The following DIP2C variants were observed in gnomAD, a reference collection of about 807,000 sequenced individuals.
The protein encoded by DIP2C is DIP2 acetate--CoA ligase C (putative).
Under a neutral mutation model 192.4 loss-of-function variants are expected in DIP2C, and 33 were observed. That is an observed-to-expected ratio of 0.17 (90% CI 0.13 to 0.23). DIP2C has a LOEUF of 0.23. Ranked by LOEUF, DIP2C falls within the 10% of genes least tolerant of loss-of-function variation. The pLI is 1.00. For synonymous variants in DIP2C, 979 were observed against 864.1 expected (o/e 1.13, Z -2.33); for missense variants, 1,537 against 2,110.1 (o/e 0.73, Z 5.32).
chr10:617,760 G>T (rs1009208941), intron 1 of DIP2C, among the ~76,000 whole-genome samples: 4 of 148,718 alleles, frequency 2.7e-5, no homozygotes, highest in African/African-American at 1.0e-4. Context: ...TGCACGTAAT[G>T]ACCTGCCACA....
chr10:483,971 C>CA (rs1200696616), intron 2 of DIP2C, among the ~76,000 whole-genome samples: 3 of 152,180 alleles, frequency 2.0e-5, no homozygotes, highest in African/African-American at 7.2e-5. Flanking sequence ...CACCCACCAT[C>CA]ATGCCTAATT....
chr10:466,689 A>T (rs1339585346), intron 3 of DIP2C, among the ~76,000 whole-genome samples: 5 of 151,712 alleles, frequency 3.3e-5, no homozygotes, highest in African/African-American at 1.2e-4. Flanking sequence ...AAACAAATTT[A>T]CAAGAAAAAA....
intron 1 of DIP2C, chr10:665,852 C>T (rs1857058228): frequency 6.6e-6 from 1 of 152,098 alleles, no homozygotes; most frequent in Admixed American, 6.6e-5. Flanking sequence ...AGGAACACTC[C>T]ATAAATCTTA....
At chr10:347,862 C>T (rs559364043) in intron 26 of DIP2C, among the ~76,000 whole-genome samples, 2 of 108,188 alleles carry the variant, frequency 1.8e-5, no homozygotes, top group Non-Finnish European at 4.1e-5. Context: ...CCAGACGCGT[C>T]GCGCATAGCT....
intron 1 of DIP2C, among the ~76,000 whole-genome samples, chr10:638,461 G>A (rs1338578658): frequency 6.6e-6 from 1 of 152,154 alleles, no homozygotes; most frequent in Non-Finnish European, 1.5e-5. Context: ...GAAACCAAAA[G>A]GCTTTACAGA....
chr10:383,208 T>TG (rs1264423434), intron 16 of DIP2C, among the ~76,000 whole-genome samples: 1 of 152,260 alleles, frequency 6.6e-6, no homozygotes, highest in African/African-American at 2.4e-5. Context: ...TTTGTACTTA[T>TG]GGGTTAAAAC....
intron 10 of DIP2C, among the ~76,000 whole-genome samples, chr10:396,256 C>T (rs1963976651): frequency 6.6e-6 from 1 of 152,170 alleles, no homozygotes; most frequent in African/African-American, 2.4e-5. Flanking sequence ...ATAAATGCCA[C>T]CTTGGTATTT....
At chr10:289,350 G>A (rs547275335) in intron 32 of DIP2C, among the ~76,000 whole-genome samples, 1 of 151,974 alleles carries the variant, frequency 6.6e-6, no homozygotes, top group South Asian at 2.1e-4. Context: ...GCTCATCGCA[G>A]TCTGACCGCC....
At chr10:456,467 T>C (rs188239513) in intron 3 of DIP2C, among the ~76,000 whole-genome samples, 7 of 143,732 alleles carry the variant, frequency 4.9e-5, no homozygotes, top group African/African-American at 8.2e-5. Flanking sequence ...GAGGGGAGAC[T>C]GTGAGGAGTA....
At chr10:538,526 G>A (rs562822748) in intron 1 of DIP2C, among the ~76,000 whole-genome samples, 1 of 152,160 alleles carries the variant, frequency 6.6e-6, no homozygotes, top group African/African-American at 2.4e-5. Flanking sequence ...GACCGTACAG[G>A]GGCTAGGGTG....
intron 1 of DIP2C, among the ~76,000 whole-genome samples, chr10:523,035 G>A (rs534447080): frequency 1.3e-5 from 2 of 152,196 alleles, no homozygotes; most frequent in Non-Finnish European, 1.5e-5. Flanking sequence ...TCTACCTGAG[G>A]AGTGAGGATG....
intron 3 of DIP2C, among the ~76,000 whole-genome samples, chr10:466,656 T>C (rs547843566): frequency 2.0e-5 from 3 of 148,586 alleles, no homozygotes; most frequent in African/African-American, 7.3e-5. Flanking sequence ...AAAGGGCTAA[T>C]ATCCAGAATC....
At chr10:645,053 G>A (rs1026273850) in intron 1 of DIP2C, among the ~76,000 whole-genome samples, 13 of 152,280 alleles carry the variant, frequency 8.5e-5, no homozygotes, top group Admixed American at 3.9e-4. Flanking sequence ...CGGATGAGGT[G>A]GGACATCATC....
chr10:663,227 CTAAAT>C, intron 1 of DIP2C: 1 of 319,502 alleles, frequency 3.1e-6, no homozygotes, highest in Non-Finnish European at 5.7e-6. Context: ...AGGATGCCAA[CTAAAT>C]GAATAGAAAG....
intron 1 of DIP2C, among the ~76,000 whole-genome samples, chr10:581,203 C>G (rs1850630124): frequency 6.6e-6 from 1 of 152,180 alleles, no homozygotes; most frequent in East Asian, 1.9e-4. Context: ...TTACTCTAGT[C>G]TACTTGTTTC....
chr10:554,283 G>T (rs1848733307), intron 1 of DIP2C, among the ~76,000 whole-genome samples: 1 of 152,234 alleles, frequency 6.6e-6, no homozygotes, highest in Non-Finnish European at 1.5e-5. Flanking sequence ...CTGTAAGAGT[G>T]GTGAACAGGA....
rs1957405359 is a variant in DIP2C, at chr10:329,461, C to A, written c.3725G>T (p.Gly1242Val). The A allele has an allele frequency of 6.2e-7, 1 of 1,613,918 alleles. No homozygotes were observed. The highest frequency in any genetic ancestry group is 8.5e-7 in the Non-Finnish European group (1 of 1,179,974). The change falls in exon 30 of 37, where the codon GGG (glycine) becomes GTG (valine). Residue 1242 changes from glycine to valine, a missense_variant. Gly to Val is a moderately radical substitution (Grantham distance 109). This residue lies in a region of DIP2C where 341 missense variants were observed against 551.7 expected (regional missense o/e 0.62). Transcript: ENST00000280886. Reference sequence around the variant, plus strand: ...GAGGGACTCTGTTTGCGAGCCCAGCCCCTTGGTGCACAGCTCCATCACGGA... The same window carrying A: ...GAGGGACTCTGTTTGCGAGCCCAGCACCTTGGTGCACAGCTCCATCACGGA... ...SYSVMELCTK[G>V]LGSQTESLKA...
At chr10:328,359 G>C (rs1301961447) in intron 30 of DIP2C, among the ~76,000 whole-genome samples, 2 of 152,188 alleles carry the variant, frequency 1.3e-5, no homozygotes, top group African/African-American at 4.8e-5. Context: ...AACCTGGAAA[G>C]GTTGCTTAAT....
At chr10:665,454 T>C (rs2132106739) in intron 1 of DIP2C, 1 of 152,314 alleles carries the variant, frequency 6.6e-6, no homozygotes, top group Non-Finnish European at 1.5e-5. Context: ...TCATCTAGCA[T>C]GGAAAATATT....
Sources: gnomAD v4.1 joint callset for allele counts (sites outside exome capture counted in the v4.1 genomes callset) on GRCh38, gnomAD v4.1.1 for gene constraint, gnomAD v4.1.1 regional missense constraint, MANE v1.5 for transcripts, NCBI Gene and HGNC (gene_info 2026-07-23, HGNC 2026-07-21) for gene names.